Variants in WDPCP observed in about 807,000 individuals in gnomAD.
WDPCP encodes the protein WD repeat-containing and planar cell polarity effector protein fritz homolog.
In WDPCP, 71 loss-of-function variants were observed where a neutral mutation model predicts 93.1. The observed-to-expected ratio is 0.76, with a 90% CI of 0.63 to 0.93. WDPCP has a LOEUF of 0.93. WDPCP is among the 40% of genes least tolerant of loss of function. The pLI is 0.00. For missense variants in WDPCP, 844 were observed against 887.4 expected (o/e 0.95, Z 0.62); for synonymous variants, 315 against 315.0 (o/e 1.00, Z 0.00).
chr2:63,682,429 T>C (rs1347223015), intron 2 of WDPCP, among the ~76,000 whole-genome samples: 1 of 152,068 alleles, frequency 6.6e-6, no homozygotes, highest in Non-Finnish European at 1.5e-5. Flanking sequence ...AATAGCAGAA[T>C]TGATGAGGAA....
chr2:63,424,003 G>C (rs140034266), intron 9 of WDPCP, among the ~76,000 whole-genome samples: 1,983 of 152,172 alleles, frequency 0.013, 22 homozygotes, highest in Non-Finnish European at 0.02. Flanking sequence ...GAAGATGGAA[G>C]AAACTAGGAA....
intron 12 of WDPCP, among the ~76,000 whole-genome samples, chr2:63,353,125 G>T (rs114542582): frequency 0.015 from 2,283 of 152,158 alleles, 64 homozygotes; most frequent in African/African-American, 0.053. Flanking sequence ...AGGGAACCAC[G>T]ATTCTCCTAC....
intron 15 of WDPCP, among the ~76,000 whole-genome samples, chr2:63,166,609 T>C (rs1051487813): frequency 2.0e-5 from 3 of 150,306 alleles, no homozygotes; most frequent in Non-Finnish European, 3.0e-5. Context: ...GCCGAGCTGG[T>C]CTCGAACTCC....
intron 3 of WDPCP, among the ~76,000 whole-genome samples, chr2:63,619,795 G>A (rs1709712595): frequency 6.6e-6 from 1 of 152,208 alleles, no homozygotes; most frequent in Admixed American, 6.5e-5. Flanking sequence ...GAAGGTGGGT[G>A]ATTTTTGCAT....
intron 9 of WDPCP, among the ~76,000 whole-genome samples, chr2:63,425,818 A>G (rs1444636833): frequency 6.6e-6 from 1 of 152,244 alleles, no homozygotes; most frequent in African/African-American, 2.4e-5. Flanking sequence ...ATACAGTCCA[A>G]GAAAACATTC....
intron 2 of WDPCP, among the ~76,000 whole-genome samples, chr2:63,730,027 G>C (rs998810421): frequency 1.3e-5 from 2 of 152,192 alleles, no homozygotes; most frequent in African/African-American, 4.8e-5. Flanking sequence ...AAGTAGCTCA[G>C]TGTTTGTTGT....
rs1445410385 is a variant in WDPCP at position 63,378,417 on chromosome 2, A to G, written c.1717T>C (p.Tyr573His). ...ILEYRDQISK[Y>H]ARRFFHHLLR... is the part of the protein sequence containing the mutation. ...AAGTGATGGAAGAATCTCCTTGCAT[A>G]TTTGCTGATTTGATCTCTATATTCC... The change falls in exon 12 of 18, where the codon TAT becomes CAT. Residue 573 changes from tyrosine (Y) to histidine (H), a missense_variant. By Grantham distance (83) the Tyr-to-His change is moderately conservative. Coordinates refer to ENST00000272321, the MANE Select transcript of WDPCP (RefSeq NM_015910.7). 1 of 1,613,150 alleles carries G rather than the reference A, an allele frequency of 6.2e-7. No individual in the cohort carries two copies. Among genetic ancestry groups the G allele is most frequent in the East Asian group, 2.2e-5 (1 of 44,810 alleles).
At chr2:63,157,525 A>G (rs1205953250) in intron 15 of WDPCP, among the ~76,000 whole-genome samples, 2 of 152,154 alleles carry the variant, frequency 1.3e-5, no homozygotes, top group African/African-American at 4.8e-5. Context: ...TCTCTTTTAC[A>G]GAGTTTTTTG....
intron 10 of WDPCP, among the ~76,000 whole-genome samples, chr2:63,393,446 G>A (rs1369498443): frequency 6.6e-6 from 1 of 151,380 alleles, no homozygotes; most frequent in Non-Finnish European, 1.5e-5. Context: ...ATGACTAGTT[G>A]ATCAGTAAAC....
intron 9 of WDPCP, among the ~76,000 whole-genome samples, chr2:63,423,742 T>G (rs181675922): frequency 1.5e-3 from 231 of 152,312 alleles, no homozygotes; most frequent in African/African-American, 5.1e-3. Flanking sequence ...TGAAGGTGTT[T>G]GTTGACAAAT....
At chr2:63,338,364 C>T (rs1032094490) in intron 12 of WDPCP, among the ~76,000 whole-genome samples, 1 of 151,410 alleles carries the variant, frequency 6.6e-6, no homozygotes, top group African/African-American at 2.4e-5. Context: ...CCAGCCTGGC[C>T]AACATGGTGA....
intron 3 of WDPCP, among the ~76,000 whole-genome samples, chr2:63,615,397 G>A (rs1485192610): frequency 6.6e-6 from 1 of 152,094 alleles, no homozygotes; most frequent in Non-Finnish European, 1.5e-5. Flanking sequence ...TTCAGCACAT[G>A]CACAGTAGGA....
upstream of WDPCP, among the ~76,000 whole-genome samples, chr2:63,832,748 T>C (rs1405314034): frequency 6.6e-6 from 1 of 152,202 alleles, no homozygotes; most frequent in Non-Finnish European, 1.5e-5. Flanking sequence ...CTATTATGTG[T>C]CAAGCACTAT....
chr2:63,254,566 GA>G (rs1269091422), intron 14 of WDPCP, among the ~76,000 whole-genome samples: 1 of 152,036 alleles, frequency 6.6e-6, no homozygotes, highest in African/African-American at 2.4e-5. Context: ...GCAGTTCTAA[GA>G]AATAATGGAG....
At chr2:63,605,174 A>T (rs780162621) in intron 3 of WDPCP, 54 of 749,546 alleles carry the variant, frequency 7.2e-5, no homozygotes, top group Non-Finnish European at 1.1e-4. Context: ...GAGGGGAAAC[A>T]TTAAGCTCTG....
intron 2 of WDPCP, among the ~76,000 whole-genome samples, chr2:63,724,323 TC>T (rs1473369478): frequency 6.6e-6 from 1 of 152,174 alleles, no homozygotes; most frequent in Non-Finnish European, 1.5e-5. Flanking sequence ...CTTTTTTTTT[TC>T]ATCTTCTAAA....
intron 15 of WDPCP, among the ~76,000 whole-genome samples, chr2:63,161,234 T>C (rs1672619030): frequency 6.6e-6 from 1 of 152,224 alleles, no homozygotes; most frequent in East Asian, 1.9e-4. Flanking sequence ...CCATTTTCAG[T>C]TGTGCAGGAA....
chr2:63,408,464 C>T (rs1237753583), intron 9 of WDPCP, among the ~76,000 whole-genome samples: 1 of 152,236 alleles, frequency 6.6e-6, no homozygotes, highest in Middle Eastern at 3.4e-3. Context: ...CCATTCCTAA[C>T]CTGATACCAT....
intron 10 of WDPCP, among the ~76,000 whole-genome samples, chr2:63,397,742 A>T (rs1250148010): frequency 6.6e-6 from 1 of 152,178 alleles, no homozygotes; most frequent in African/African-American, 2.4e-5. Flanking sequence ...GTGACTGGTG[A>T]CTTTTCCAAG....
Sources: allele counts gnomAD v4.1 joint callset (sites outside exome capture counted in the v4.1 genomes callset), GRCh38; gene constraint gnomAD v4.1.1; transcripts MANE v1.5; gene names NCBI Gene and HGNC (gene_info 2026-07-23, HGNC 2026-07-21).